Variants in FUS observed in about 807,000 individuals in gnomAD.
The protein encoded by FUS is RNA-binding protein FUS.
Under a neutral mutation model 82.7 loss-of-function variants are expected in FUS, and 5 were observed. The ratio of observed to expected loss-of-function variants is 0.06; its 90% CI spans 0.03 to 0.13. The LOEUF is 0.13. Ranked by LOEUF, FUS falls within the 10% of genes least tolerant of loss-of-function variation. The pLI, the probability that FUS is intolerant of heterozygous loss-of-function variation, is 1.00. For synonymous variants in FUS, 281 were observed against 247.4 expected, an observed-to-expected ratio of 1.14 and a Z score of -1.27; for missense variants, 512 against 707.8, an observed-to-expected ratio of 0.72 and a Z score of 3.14.
downstream of FUS, chr16:31,193,281 G>A (rs886051951): frequency 1.0e-4 from 53 of 512,950 alleles, no homozygotes; most frequent in Non-Finnish European, 1.8e-4. Context: ...AACAGTAGGC[G>A]GAGAGTGGTC....
chr16:31,180,728 T>C (rs2144093245), intron 1 of FUS, among the ~76,000 whole-genome samples: 1 of 152,294 alleles, frequency 6.6e-6, no homozygotes, highest in African/African-American at 2.4e-5. Flanking sequence ...GCGTCCGGTG[T>C]GAGCCTTGTC....
intron 3 of FUS, chr16:31,183,026 C>T (rs934706686): frequency 1.7e-5 from 6 of 345,300 alleles, no homozygotes; most frequent in South Asian, 7.3e-5. Flanking sequence ...TTTCTTAAAC[C>T]TGAGCAGCAC....
intron 9 of FUS, 88 bp downstream of exon 9, chr16:31,189,314 C>G: frequency 9.7e-7 from 1 of 1,033,802 alleles, no homozygotes; most frequent in Non-Finnish European, 1.5e-6. Context: ...TTAATGGTTG[C>G]CAGCAGTAAA....
In FUS at chr16:31,191,254, T is replaced by C. The variant is rs1321275207; in HGVS notation, c.1541+144T>C. ...ACCAGTAGTGGAGAGGGAAGGAAAA[T>C]TAACTCAGGGGGAGTGAATCTGTAG... is the stretch of plus-strand genomic sequence containing the variant. On this transcript the variant is annotated intron_variant, in intron 14 of 14. Transcript: ENST00000254108. 5 of 1,480,294 alleles carry C rather than the reference T, an allele frequency of 3.4e-6. No individual in the cohort carries two copies. The African/African-American group carries it at 4.2e-5, about 12-fold the overall frequency. The allele number at this position is 1,480,294 out of a possible 1,614,324, so 91.7% of individuals were successfully genotyped here.
downstream of FUS, chr16:31,191,690 C>T: frequency 1.5e-6 from 1 of 685,696 alleles, no homozygotes; most frequent in South Asian, 1.5e-5. Context: ...TCAGATTACC[C>T]TGCCCAGCAG....
chr16:31,194,135 G>T (rs1274987931), downstream of FUS: 1 of 532,350 alleles, frequency 1.9e-6, no homozygotes, highest in Non-Finnish European at 3.6e-6. Context: ...CCCATCTTGT[G>T]CCGGGCCTTC....
chr16:31,188,819 C>T, intron 8 of FUS: 1 of 482,992 alleles, frequency 2.1e-6, no homozygotes, highest in South Asian at 2.5e-5. Context: ...GGACCTTCAA[C>T]TGAAAGTTGA....
At chr16:31,185,375 C>T (rs928256198) in intron 6 of FUS, 196 bp downstream of exon 6, 1 of 647,246 alleles carries the variant, frequency 1.5e-6, no homozygotes, top group Non-Finnish European at 2.7e-6. Flanking sequence ...CCTGAACTCC[C>T]ATCCATACCA....
Position 31,184,376 on chromosome 16 carries a change from G to C in FUS, c.503G>C (p.Gly168Ala). Residue 168 changes from glycine to alanine, a missense_variant, in exon 5 of 15, where the codon GGA becomes GCA. Coordinates refer to ENST00000254108, the MANE Select transcript of FUS (RefSeq NM_004960.4). ...QNQYNSSSGG[G>A]GGGGGGGNYG... Reference sequence around the variant, plus strand: ...CAGTACAACAGCAGCAGTGGTGGTGGAGGTGGAGGTGGAGGTGGAGGTGAG... The same window carrying C: ...CAGTACAACAGCAGCAGTGGTGGTGCAGGTGGAGGTGGAGGTGGAGGTGAG... The C allele has an allele frequency of 3.1e-6, 5 of 1,605,908 alleles. No homozygotes were observed. Among genetic ancestry groups the C allele is most frequent in the Non-Finnish European group, 3.4e-6 (4 of 1,175,024 alleles).
intron 5 of FUS, 81 bp downstream of exon 5, chr16:31,184,477 T>C: frequency 7.4e-7 from 1 of 1,343,844 alleles, no homozygotes; most frequent in East Asian, 2.5e-5. Context: ...TTGCTCTGTC[T>C]CTGTTGCTGA....
chr16:31,189,190 T>G lies in FUS; in HGVS notation c.900T>G (p.Ser300=), dbSNP rs766692377. Residue 300 remains serine (S), a synonymous_variant, in exon 9 of 15, where the codon TCT becomes TCG. Coordinates refer to ENST00000254108, the MANE Select transcript of FUS (RefSeq NM_004960.4). Reference sequence around the variant, plus strand: ...TGGGTGAGAATGTTACAATTGAGTCTGTGGCTGATTACTTCAAGCAGATTG... The same window carrying G: ...TGGGTGAGAATGTTACAATTGAGTCGGTGGCTGATTACTTCAAGCAGATTG... ...QGLGENVTIE[S]VADYFKQIGI... The G allele has an allele frequency of 6.2e-7, 1 of 1,613,872 alleles. No individual in the cohort carries two copies. The highest frequency in any genetic ancestry group is 1.1e-5 in the South Asian group (1 of 91,082).
intron 3 of FUS, chr16:31,182,970 A>G (rs2079203713): frequency 2.5e-6 from 1 of 403,244 alleles, no homozygotes; most frequent in East Asian, 5.5e-5. Flanking sequence ...TGACCTGCCA[A>G]AGTGCTGGGA....
In FUS at chr16:31,186,913, G is replaced by T. The variant is rs752975800; in HGVS notation, c.799+77G>T. ...ATTGTTCATTTGCAGATGTCTTAGC[G>T]TGTTAATTTAAATGTCAAAGGTTTT... On this transcript the variant is annotated intron_variant, in intron 7 of 14. Coordinates refer to ENST00000254108, the MANE Select transcript of FUS (RefSeq NM_004960.4). 23 of 1,398,058 alleles carry T rather than the reference G, an allele frequency of 1.6e-5. 1 individual carries two copies. The highest frequency in any genetic ancestry group is 4.2e-5 in the African/African-American group (3 of 70,592). The allele number at this position is 1,398,058 out of a possible 1,614,324, so 86.6% of individuals were successfully genotyped here.
chr16:31,188,892 C>T, intron 8 of FUS: 1 of 564,988 alleles, frequency 1.8e-6, no homozygotes, highest in Non-Finnish European at 3.1e-6. Flanking sequence ...CCCTGGTTTC[C>T]ATACTGTATA....
downstream of FUS, chr16:31,193,699 C>G (rs2144153482): frequency 1.9e-6 from 1 of 532,600 alleles, no homozygotes; most frequent in South Asian, 1.5e-5. Flanking sequence ...TGGATAGAGA[C>G]ACCTAGCAGC....
At chr16:31,194,641 A>T, downstream of FUS, 1 of 489,274 alleles carries the variant, frequency 2.0e-6, no homozygotes, top group South Asian at 1.5e-5. Flanking sequence ...GTATATATTT[A>T]TGGGGTACAA....
chr16:31,191,271 A>G, intron 14 of FUS, 128 bp from the exon 15 acceptor site: 1 of 1,468,720 alleles, frequency 6.8e-7, no homozygotes, highest in Non-Finnish European at 9.5e-7. Context: ...AGGGGGAGTG[A>G]ATCTGTAGAC....
At chr16:31,183,740 A>T (rs987172307) in intron 3 of FUS, 118 bp from the exon 4 acceptor site, 34 of 1,270,988 alleles carry the variant, frequency 2.7e-5, no homozygotes, top group Non-Finnish European at 3.9e-5. Context: ...TTGCAACATC[A>T]CTAACAGCTT....
In FUS at chr16:31,180,918, C is replaced by CTT. The variant is rs34242298; in HGVS notation, c.13+701_13+702dup. Among the ~76,000 whole-genome samples the CTT allele has an allele frequency of 6.3e-4, 93 of 147,858 alleles. No homozygotes were observed. The South Asian group carries it at 8.1e-3, about 13-fold the overall frequency. On this transcript the variant is annotated intron_variant, in intron 1 of 14. Transcript: ENST00000254108. ...GAGTTTTTCCCGCCTAAATTTCTTT[C>CTT]TTTTTTTTTTTGGAGACACGGTCTT...
Sources: allele counts gnomAD v4.1 joint callset (sites outside exome capture counted in the v4.1 genomes callset), GRCh38; gene constraint gnomAD v4.1.1; transcripts MANE v1.5; gene names NCBI Gene and HGNC (gene_info 2026-07-23, HGNC 2026-07-21).